TGM5: variants seen among roughly 807,000 people sequenced by gnomAD.
TGM5 encodes transglutaminase 5, also known as protein-glutamine gamma-glutamyltransferase 5.
A neutral mutation model predicts 77.2 loss-of-function variants in TGM5; 69 were observed. The observed-to-expected ratio is 0.89, with a 90% confidence interval of 0.74 to 1.09. The LOEUF (loss-of-function observed/expected upper bound fraction) is 1.09, where lower values mean the gene tolerates loss of function less well. TGM5 is among the 50% of genes least tolerant of loss of function. TGM5 has a pLI of 0.00. For missense variants in TGM5, 842 were observed against 896.5 expected (o/e 0.94, Z 0.78); for synonymous variants, 346 against 351.8 (o/e 0.98, Z 0.18).
intron 4 of TGM5, among the ~76,000 whole-genome samples, chr15:43,254,485 CCA>C (rs1369039085): frequency 3.3e-5 from 5 of 151,912 alleles, no homozygotes; most frequent in Admixed American, 2.0e-4. Flanking sequence ...TCAATCTTCC[CCA>C]GAGGACAGTC....
intron 4 of TGM5, among the ~76,000 whole-genome samples, chr15:43,255,897 G>A (rs915394290): frequency 3.9e-5 from 6 of 152,196 alleles, no homozygotes; most frequent in Admixed American, 2.0e-4. Context: ...TTTAGAATGC[G>A]TATAGAAAAC....
chr15:43,254,663 A>G (rs909539299), intron 4 of TGM5, among the ~76,000 whole-genome samples: 8 of 151,310 alleles, frequency 5.3e-5, no homozygotes, highest in African/African-American at 1.9e-4. Flanking sequence ...CATCCCTACC[A>G]TTTTTTCTCC....
At chr15:43,265,243 C>T (rs1044957028) in intron 1 of TGM5, among the ~76,000 whole-genome samples, 5 of 152,220 alleles carry the variant, frequency 3.3e-5, no homozygotes, top group Admixed American at 2.0e-4. Flanking sequence ...CAGTCCAGTG[C>T]TCTTCCCATC....
chr15:43,245,893 G>T (rs908404119), intron 6 of TGM5, among the ~76,000 whole-genome samples: 5 of 138,284 alleles, frequency 3.6e-5, no homozygotes, highest in African/African-American at 1.1e-4. Context: ...ATCTGTGTGT[G>T]TGTGTTGGGG....
At position 43,260,141 on chromosome 15, in the gene TGM5, A is replaced by T. The variant is rs749495385; in HGVS notation, c.347T>A (p.Leu116His). 6.2e-7 allele frequency: 1 copy of T among 1,614,178 alleles called. No individual in the cohort carries two copies. Among genetic ancestry groups the T allele is most frequent in the East Asian group, 2.2e-5 (1 of 44,874 alleles). Residue 116 changes from leucine to histidine, a missense_variant, in exon 3 of 13, where the codon CTC (leucine) becomes CAC (histidine). Physicochemically the swap from Leu to His is moderately conservative, Grantham distance 99 (BLOSUM62 -3). Coordinates refer to ENST00000220420, the MANE Select transcript of TGM5 (RefSeq NM_201631.4). Reference sequence around the variant, plus strand: ...GAAGGAGTCGATGTGGATTTTCAAGAGGTACCGACCCACGGCCGCCGTGGG... The same window carrying T: ...GAAGGAGTCGATGTGGATTTTCAAGTGGTACCGACCCACGGCCGCCGTGGG... ...APPTAAVGRY[L>H]LKIHIDSFQG...
Position 43,233,017 on chromosome 15 carries a change from C to T in TGM5, c.*174G>A. On this transcript the variant is annotated 3_prime_UTR_variant, in exon 13 of 13. Coordinates refer to ENST00000220420, the MANE Select transcript of TGM5 (RefSeq NM_201631.4). ...AAGCAAAGTCTTTGCCCTCATGGAG[C>T]TTAAATTTCTAGTGGAGTCAGGAGA... The T allele has an allele frequency of 1.3e-6, 1 of 790,070 alleles. No homozygotes were observed. The highest frequency in any genetic ancestry group is 2.0e-6 in the Non-Finnish European group (1 of 503,400). The allele number at this position is 790,070 out of a possible 1,614,324, so 48.9% of individuals were successfully genotyped here.
At chr15:43,253,412 G>C (rs551962624) in intron 5 of TGM5, 94 bp downstream of exon 5, 2 of 1,559,012 alleles carry the variant, frequency 1.3e-6, no homozygotes, top group African/African-American at 1.4e-5. Context: ...TTTGCCAGAG[G>C]GTCCCTCTTT....
intron 1 of TGM5, among the ~76,000 whole-genome samples, chr15:43,261,694 CACTA>C (rs1358018035): frequency 3.3e-5 from 5 of 152,222 alleles, no homozygotes; most frequent in East Asian, 1.9e-4. Context: ...ATTCACCTGT[CACTA>C]ACTCTCTTCA....
intron 6 of TGM5, among the ~76,000 whole-genome samples, chr15:43,245,413 A>C (rs1331805347): frequency 6.6e-6 from 1 of 152,164 alleles, no homozygotes; most frequent in Non-Finnish European, 1.5e-5. Context: ...CGTCCCTTAT[A>C]ACCAAGATGA....
chr15:43,266,004 T>C (rs1010065869), intron 1 of TGM5, among the ~76,000 whole-genome samples: 2 of 152,206 alleles, frequency 1.3e-5, no homozygotes, highest in Non-Finnish European at 2.9e-5. Flanking sequence ...ATGTATTACA[T>C]TGAGTAAATG....
In TGM5 at chr15:43,252,868, G is replaced by A. The variant is rs374414821; in HGVS notation, c.753C>T (p.Asn251=). 8.8e-5 allele frequency: 142 copies of A among 1,613,816 alleles called. No homozygotes were observed. Among genetic ancestry groups the A allele is most frequent in the Middle Eastern group, 1.6e-4 (1 of 6,084 alleles). The change falls in exon 6 of 13, where the codon AAC becomes AAT. Residue 251 remains asparagine, a synonymous_variant. Transcript: ENST00000220420. The stretch of plus-strand genomic sequence containing the variant: ...CCACGCTGCCCGTCCACTCCGCAGG[G>A]TTGGCGCCGTCTGTGTAATTCTCAC... ...NWSENYTDGA[N]PAEWTGSVAI... is the part of the protein sequence containing the mutation.
intron 1 of TGM5, among the ~76,000 whole-genome samples, chr15:43,261,594 A>T (rs2042791114): frequency 1.3e-5 from 2 of 152,080 alleles, no homozygotes. Flanking sequence ...TCCTTGTTTG[A>T]CCATGGTTCT....
chr15:43,234,332 A>G (rs1435242346), intron 11 of TGM5, among the ~76,000 whole-genome samples: 2 of 152,176 alleles, frequency 1.3e-5, no homozygotes, highest in Admixed American at 1.3e-4. Flanking sequence ...CTCAGAGGCC[A>G]TCTAGCCTAA....
intron 1 of TGM5, 58 bp from the exon 2 acceptor site, chr15:43,260,637 C>T (rs751985954): frequency 1.9e-6 from 3 of 1,584,656 alleles, no homozygotes; most frequent in Non-Finnish European, 2.6e-6. Flanking sequence ...CAATCCTGTC[C>T]ACCACTTACT....
intron 6 of TGM5, among the ~76,000 whole-genome samples, chr15:43,250,245 C>A (rs2042695063): frequency 6.6e-6 from 1 of 152,130 alleles, no homozygotes; most frequent in Admixed American, 6.5e-5. Context: ...ACAAGAGGAC[C>A]CTAACTGATG....
rs758379511 is a variant in TGM5 at position 43,233,145 on chromosome 15, T to G, written c.*46A>C. On this transcript the variant is annotated 3_prime_UTR_variant, in exon 13 of 13. Coordinates refer to ENST00000220420, the MANE Select transcript of TGM5 (RefSeq NM_201631.4). ...GCAGCTTGCATTTGAACTTGCTCCT[T>G]TTCCTGAAGCTTGAAATTCACACGT... The G allele has an allele frequency of 1.2e-6, 2 of 1,612,230 alleles. No individual in the cohort carries two copies. The highest frequency in any genetic ancestry group is 1.7e-6 in the Non-Finnish European group (2 of 1,179,186).
chr15:43,234,863 ATCAGCT>A lies in TGM5; in HGVS notation c.1775_1780del (p.Lys592_Leu593del). On this transcript the variant is annotated inframe_deletion, in exon 11 of 13. Transcript: ENST00000220420. ...CTCTTCACCCAGGGCACTGATGCGG[ATCAGCT>A]TGTCTGTTGACAGGTACTGGCTGTA... 1 of 1,614,214 alleles carries A rather than the reference ATCAGCT, an allele frequency of 6.2e-7. No homozygotes were observed. Among genetic ancestry groups the A allele is most frequent in the Non-Finnish European group, 8.5e-7 (1 of 1,180,036 alleles).
intron 6 of TGM5, among the ~76,000 whole-genome samples, chr15:43,243,149 G>T (rs979574275): frequency 6.6e-6 from 1 of 152,186 alleles, no homozygotes; most frequent in African/African-American, 2.4e-5. Context: ...CAGAGTATGA[G>T]GCTTGTAATG....
rs375938677 is a variant in TGM5, at chr15:43,233,553, C to A, written c.2009+1G>T. On this transcript the variant is annotated splice_donor_variant, in intron 12 of 12. Coordinates refer to ENST00000220420, the MANE Select transcript of TGM5 (RefSeq NM_201631.4). LOFTEE classifies it high-confidence loss of function. ...GAAGGCTGAGCACTTGCAGCACTTA[C>A]AAGACTTTCTGCTGTTTCTTGAAGA... 1 of 1,614,188 alleles carries A rather than the reference C, an allele frequency of 6.2e-7. No individual in the cohort carries two copies. Among genetic ancestry groups the A allele is most frequent in the Admixed American group, 1.7e-5 (1 of 60,030 alleles).
Sources: gnomAD v4.1 joint callset for allele counts (sites outside exome capture counted in the v4.1 genomes callset) on GRCh38, gnomAD v4.1.1 for gene constraint, MANE v1.5 for transcripts, NCBI Gene and HGNC (gene_info 2026-07-23, HGNC 2026-07-21) for gene names.